MDH1: variants seen among roughly 807,000 people sequenced by gnomAD.
MDH1 encodes malate dehydrogenase, cytoplasmic.
A neutral mutation model predicts 38.7 loss-of-function variants in MDH1; 15 were observed. That is an observed-to-expected ratio of 0.39 (90% CI 0.26 to 0.60). The LOEUF (loss-of-function observed/expected upper bound fraction) is 0.60, where lower values mean the gene tolerates loss of function less well. Among genes scored for constraint, MDH1 ranks in the 20% least tolerant of loss-of-function variants. MDH1 has a pLI of 0.56. For missense variants in MDH1, 368 were observed against 405.2 expected, an observed-to-expected ratio of 0.91 and a Z score of 0.79; for synonymous variants, 144 against 143.6, an observed-to-expected ratio of 1.00 and a Z score of -0.02.
chr2:63,605,133 A>G (rs1454418775), intron 6 of MDH1, 147 bp from the exon 7 acceptor site: 3 of 652,074 alleles, frequency 4.6e-6, no homozygotes, highest in East Asian at 2.7e-5. Context: ...AAGGATTGGT[A>G]AGGCTGACAT....
chr2:63,593,378 G>C (rs575234373), intron 1 of MDH1: 13 of 349,274 alleles, frequency 3.7e-5, no homozygotes, highest in African/African-American at 2.6e-4. Context: ...ACAGGCATGA[G>C]CCACCATCCC....
At chr2:63,605,642 G>A (rs2604613) in intron 7 of MDH1, among the ~76,000 whole-genome samples, 122,185 of 152,138 alleles carry the variant, frequency 0.8, 49,722 homozygotes, top group East Asian at 0.98. Flanking sequence ...GAAAACACCT[G>A]GCACAATGCC....
chr2:63,604,239 A>G (rs1178282501), intron 5 of MDH1, among the ~76,000 whole-genome samples: 4 of 152,230 alleles, frequency 2.6e-5, no homozygotes, highest in Non-Finnish European at 4.4e-5. Flanking sequence ...TAATTTCTAT[A>G]TGGTATATAA....
At chr2:63,591,064 T>C (rs1337333517) in intron 1 of MDH1, 1 of 152,246 alleles carries the variant, frequency 6.6e-6, no homozygotes, top group Non-Finnish European at 1.5e-5. Flanking sequence ...GTCTGTGGAA[T>C]AACAGACACT....
chr2:63,594,902 C>T (rs1709275101), intron 2 of MDH1: 1 of 278,840 alleles, frequency 3.6e-6, no homozygotes, highest in Admixed American at 5.0e-5. Context: ...ACTCAGTAAG[C>T]ACTCCCTTGT....
chr2:63,594,323 C>T (rs751904933), intron 1 of MDH1, 165 bp from the exon 2 acceptor site: 28 of 729,602 alleles, frequency 3.8e-5, no homozygotes, highest in Admixed American at 8.7e-5. Flanking sequence ...AATAACACCA[C>T]GTAAATATGC....
intron 8 of MDH1, among the ~76,000 whole-genome samples, chr2:63,606,335 A>C (rs1709527272): frequency 6.6e-6 from 1 of 152,210 alleles, no homozygotes; most frequent in Non-Finnish European, 1.5e-5. Flanking sequence ...GAACCATGAC[A>C]GTACCCCTCC....
At chr2:63,603,300 G>T (rs1294365704) in intron 5 of MDH1, among the ~76,000 whole-genome samples, 1 of 152,142 alleles carries the variant, frequency 6.6e-6, no homozygotes, top group Non-Finnish European at 1.5e-5. Flanking sequence ...TCAGTTTGGA[G>T]CTGTTATTAC....
chr2:63,593,769 T>C (rs1412138520), intron 1 of MDH1: 1 of 440,232 alleles, frequency 2.3e-6, no homozygotes, highest in Non-Finnish European at 4.7e-6. Context: ...TTTTAATAGA[T>C]ATATTTCTAT....
intron 4 of MDH1, chr2:63,597,834 A>G: frequency 4.2e-6 from 1 of 236,064 alleles, no homozygotes; most frequent in Non-Finnish European, 8.0e-6. Context: ...TTAAACATAT[A>G]GAGAAGGCAC....
At position 63,605,267 on chromosome 2, in the gene MDH1, G is replaced by GC. The variant is rs747088033; in HGVS notation, c.676-8dup. 2 of 1,569,110 alleles carry GC rather than the reference G, an allele frequency of 1.3e-6. No homozygotes were observed. The highest frequency in any genetic ancestry group is 2.2e-5 in the South Asian group (2 of 89,988). On this transcript the variant is annotated splice_polypyrimidine_tract_variant and intron_variant, in intron 6 of 8. Coordinates refer to ENST00000233114, the MANE Select transcript of MDH1 (RefSeq NM_005917.4). ...CCAAGTAATACTGCTGCCTTCACCT[G>GC]CCCCCTTCCCAGACTGTGCAGCAGC...
intron 5 of MDH1, among the ~76,000 whole-genome samples, chr2:63,600,447 G>A (rs1709397278): frequency 6.6e-6 from 1 of 152,116 alleles, no homozygotes. Flanking sequence ...TTACCTAATG[G>A]TATCAACTAA....
At chr2:63,600,625 A>G (rs1226344872) in intron 5 of MDH1, among the ~76,000 whole-genome samples, 4 of 152,198 alleles carry the variant, frequency 2.6e-5, no homozygotes, top group Non-Finnish European at 5.9e-5. Context: ...GGCTGCTATT[A>G]TTAGTTGATT....
At chr2:63,602,934 C>CTTTTGTTTTTTTTTT (rs1709452776) in intron 5 of MDH1, among the ~76,000 whole-genome samples, 7 of 131,538 alleles carry the variant, frequency 5.3e-5, no homozygotes, top group Non-Finnish European at 1.2e-4. Context: ...TTTAACCGTT[C>CTTTTGTTTTTTTTTT]TTTTTTTTTT....
chr2:63,604,998 C>G, intron 6 of MDH1, 126 bp downstream of exon 6: 1 of 885,404 alleles, frequency 1.1e-6, no homozygotes, highest in East Asian at 2.6e-5. Context: ...CTTTCGGGAT[C>G]ATAGTAAGCC....
At chr2:63,596,884 C>G (rs1709322733) in intron 3 of MDH1, among the ~76,000 whole-genome samples, 1 of 152,202 alleles carries the variant, frequency 6.6e-6, no homozygotes, top group Non-Finnish European at 1.5e-5. Context: ...GAGTTAATCT[C>G]TTTAAACCTC....
chr2:63,592,592 C>T (rs1709221164), intron 1 of MDH1, among the ~76,000 whole-genome samples: 2 of 152,228 alleles, frequency 1.3e-5, no homozygotes, highest in Admixed American at 6.5e-5. Flanking sequence ...GTGATCCACC[C>T]GCCTTGTCCC....
rs2106589012 is a variant in MDH1, at chr2:63,588,991, ACT to A, written c.-48_-47del. On this transcript the variant is annotated 5_prime_UTR_variant, in exon 1 of 9. Coordinates refer to ENST00000233114, the MANE Select transcript of MDH1 (RefSeq NM_005917.4). ...TCAGTTCCGCGGTAGAGGTGACCTG[ACT>A]CTCTGAGGCTCATTTTGCAGTTGTT... 5 of 1,613,844 alleles carry A rather than the reference ACT, an allele frequency of 3.1e-6. No homozygotes were observed. The highest frequency in any genetic ancestry group is 2.7e-5 in the African/African-American group (2 of 74,972).
At chr2:63,592,294 C>T (rs1709214766) in intron 1 of MDH1, among the ~76,000 whole-genome samples, 1 of 152,126 alleles carries the variant, frequency 6.6e-6, no homozygotes, top group Non-Finnish European at 1.5e-5. Context: ...ACTAAGTTTC[C>T]AGTTTTCTCA....
Sources: allele counts gnomAD v4.1 joint callset (sites outside exome capture counted in the v4.1 genomes callset), GRCh38; gene constraint gnomAD v4.1.1; transcripts MANE v1.5; gene names NCBI Gene and HGNC (gene_info 2026-07-23, HGNC 2026-07-21).